The following CPNE5 variants were observed in gnomAD, a reference collection of about 807,000 sequenced individuals.
CPNE5 encodes the protein copine 5, also known as copine-5.
Under a neutral mutation model 81.1 loss-of-function variants are expected in CPNE5, and 42 were observed. The ratio of observed to expected loss-of-function variants is 0.52; its 90% CI spans 0.40 to 0.67. The LOEUF (loss-of-function observed/expected upper bound fraction) is 0.67. Among genes scored for constraint, CPNE5 ranks in the 30% least tolerant of loss-of-function variants. CPNE5 has a pLI of 0.00. For missense variants in CPNE5, 612 were observed against 815.5 expected, an observed-to-expected ratio of 0.75 and a Z score of 3.04; for synonymous variants, 313 against 321.5, an observed-to-expected ratio of 0.97 and a Z score of 0.28.
At chr6:36,775,383 T>A (rs1363057664) in intron 9 of CPNE5, among the ~76,000 whole-genome samples, 1 of 152,196 alleles carries the variant, frequency 6.6e-6, no homozygotes, top group East Asian at 1.9e-4. Flanking sequence ...AGCTCTCCCC[T>A]CTCTGGGCCT....
At position 36,744,301 on chromosome 6, in the gene CPNE5, T is replaced by G; in HGVS notation, c.1456A>C (p.Ile486Leu). The G allele has an allele frequency of 6.3e-7, 1 of 1,584,102 alleles. No homozygotes were observed. Among genetic ancestry groups the G allele is most frequent in the Non-Finnish European group, 8.6e-7 (1 of 1,165,868 alleles). The part of the protein sequence containing the change: ...VNAAKLPMSI[I>L]IVGVGQAEFD... ...TCTGCCTGGCCCACGCCGACGATAA[T>G]GATGGACATGGGGAGCTTGGCAGCC... The change falls in exon 19 of 21, where the codon ATT (isoleucine) becomes CTT (leucine). Residue 486 changes from isoleucine to leucine, a missense_variant. Transcript: ENST00000244751.
At chr6:36,759,064 G>A (rs530291970) in intron 12 of CPNE5, among the ~76,000 whole-genome samples, 10 of 152,328 alleles carry the variant, frequency 6.6e-5, no homozygotes, top group African/African-American at 2.4e-4. Context: ...CTATCGGAAT[G>A]GACAGCATCT....
intron 18 of CPNE5, 37 bp from the exon 19 acceptor site, chr6:36,744,362 C>T (rs529509102): frequency 6.6e-6 from 10 of 1,514,774 alleles, no homozygotes; most frequent in Non-Finnish European, 8.1e-6. Flanking sequence ...AAGGTTGGAC[C>T]CAATTGGGAC....
chr6:36,809,937 G>A (rs905028726), intron 3 of CPNE5, among the ~76,000 whole-genome samples: 7 of 151,444 alleles, frequency 4.6e-5, no homozygotes, highest in Non-Finnish European at 7.4e-5. Flanking sequence ...ATACATCCAC[G>A]ATCTCATTTA....
At chr6:36,743,307 A>G (rs1020529453) in intron 20 of CPNE5, 3 of 851,502 alleles carry the variant, frequency 3.5e-6, no homozygotes, top group Non-Finnish European at 4.2e-6. Context: ...GATTCAGTTA[A>G]CCGAGCAATG....
upstream of CPNE5, chr6:36,839,579 G>T (rs1322578449): frequency 3.5e-5 from 17 of 482,954 alleles, 1 homozygote; most frequent in South Asian, 5.7e-4. This position sits in a 1 kb window ranked among gnomAD's most constrained non-coding sequence, Gnocchi z 7.3. Flanking sequence ...TCGAGGAGGG[G>T]GCTCGGGTGA....
chr6:36,813,103 T>C (rs966032968), intron 3 of CPNE5, among the ~76,000 whole-genome samples: 7 of 152,172 alleles, frequency 4.6e-5, no homozygotes, highest in Non-Finnish European at 8.8e-5. Context: ...CCCACCACAG[T>C]CTTATTCCAA....
At chr6:36,792,391 C>G in intron 7 of CPNE5, 1 of 1,462,746 alleles carries the variant, frequency 6.8e-7, no homozygotes, top group Non-Finnish European at 9.1e-7. Flanking sequence ...AGCATCCAGA[C>G]TCACCCGGAG....
At chr6:36,798,556 G>T in intron 4 of CPNE5, 62 bp from the exon 5 acceptor site, 1 of 1,523,176 alleles carries the variant, frequency 6.6e-7, no homozygotes. Flanking sequence ...TCCTGCCTGG[G>T]TTCTCAAGTT....
chr6:36,762,030 T>C (rs1766074118), intron 12 of CPNE5, among the ~76,000 whole-genome samples: 1 of 151,962 alleles, frequency 6.6e-6, no homozygotes, highest in African/African-American at 2.4e-5. Flanking sequence ...GGCAGGAGGA[T>C]CGCTTGAGCC....
chr6:36,823,690 G>A (rs1290918352), intron 1 of CPNE5, among the ~76,000 whole-genome samples: 2 of 152,176 alleles, frequency 1.3e-5, no homozygotes, highest in Admixed American at 1.3e-4. Context: ...GCAAGATGAT[G>A]GACACAACAT....
rs763297553 is a variant in CPNE5 at position 36,743,720 on chromosome 6, C to A, written c.1532G>T (p.Arg511Leu). Reference protein sequence around the residue: ...LDGDDVRISSRGKLAERDIVQ... With the variant: ...LDGDDVRISSLGKLAERDIVQ... ...GATGTCGCGTTCAGCCAGCTTCCCC[C>A]GGGAGGAGATCCGCACGTCGTCGCC... Residue 511 changes from arginine (R) to leucine (L), a missense_variant, in exon 20 of 21, where the codon CGG becomes CTG. By Grantham distance (102) the Arg-to-Leu change is moderately radical. Coordinates refer to ENST00000244751, the MANE Select transcript of CPNE5 (RefSeq NM_020939.2). The A allele has an allele frequency of 6.2e-7, 1 of 1,613,292 alleles. No homozygotes were observed. Among genetic ancestry groups the A allele is most frequent in the East Asian group, 2.2e-5 (1 of 44,888 alleles).
chr6:36,775,027 G>T lies in CPNE5; in HGVS notation c.671C>A (p.Thr224Asn). The T allele has an allele frequency of 6.2e-7, 1 of 1,614,206 alleles. No homozygotes were observed. The highest frequency in any genetic ancestry group is 8.5e-7 in the Non-Finnish European group (1 of 1,180,020). ...GAAAGTTTGCCAGACTGGATTTAGGGTGTTCTTCATGACCTCGGTCTTGTG... is the reference window on the plus strand; with the variant it reads ...GAAAGTTTGCCAGACTGGATTTAGGTTGTTCTTCATGACCTCGGTCTTGTG... ...ICHKTEVMKN[T>N]LNPVWQTFSI... Residue 224 changes from threonine (T) to asparagine (N), a missense_variant, in exon 10 of 21, where the codon ACC (threonine) becomes AAC (asparagine). Transcript: ENST00000244751.
At chr6:36,778,556 CTG>C (rs1767750023) in intron 9 of CPNE5, among the ~76,000 whole-genome samples, 2 of 152,246 alleles carry the variant, frequency 1.3e-5, no homozygotes, top group African/African-American at 4.8e-5. Context: ...TGCCCTAGCC[CTG>C]TTTTTGCCTA....
chr6:36,758,773 G>A (rs972359351), intron 12 of CPNE5, among the ~76,000 whole-genome samples: 1 of 152,152 alleles, frequency 6.6e-6, no homozygotes, highest in African/African-American at 2.4e-5. Context: ...CGCTGGATTT[G>A]GGGCACAGGT....
At chr6:36,764,033 G>A (rs542273404) in intron 11 of CPNE5, among the ~76,000 whole-genome samples, 1 of 152,194 alleles carries the variant, frequency 6.6e-6, no homozygotes, top group African/African-American at 2.4e-5. Context: ...TGCTGGCCTG[G>A]GGCATCCAGC....
intron 3 of CPNE5, among the ~76,000 whole-genome samples, chr6:36,820,592 G>A (rs891002330): frequency 2.6e-5 from 4 of 152,098 alleles, no homozygotes; most frequent in Non-Finnish European, 5.9e-5. Context: ...GAATGTAGTA[G>A]TGAATAAAGC....
intron 3 of CPNE5, among the ~76,000 whole-genome samples, chr6:36,800,697 AG>A (rs1337945833): frequency 1.3e-5 from 2 of 152,222 alleles, no homozygotes; most frequent in African/African-American, 4.8e-5. Context: ...GTATCTCACA[AG>A]TCATAGAATG....
At chr6:36,792,281 C>G in intron 7 of CPNE5, 185 bp from the exon 8 acceptor site, 11 of 1,450,916 alleles carry the variant, frequency 7.6e-6, no homozygotes, top group Non-Finnish European at 1.0e-5. Context: ...TGCACTGCTT[C>G]CTGGGACCGG....
Sources: gnomAD v4.1 joint callset for allele counts (sites outside exome capture counted in the v4.1 genomes callset) on GRCh38, gnomAD v4.1.1 for gene constraint, Gnocchi (gnomAD v3.1) non-coding constraint, MANE v1.5 for transcripts, NCBI Gene and HGNC (gene_info 2026-07-23, HGNC 2026-07-21) for gene names.